Variants in IL17REL observed in about 807,000 individuals in gnomAD.
IL17REL encodes interleukin 17 receptor E like.
In IL17REL, 36 loss-of-function variants were observed where a neutral mutation model predicts 49.0. The ratio of observed to expected loss-of-function variants is 0.73; its 90% CI spans 0.56 to 0.97. IL17REL has a LOEUF of 0.97. Ranked by LOEUF, IL17REL falls within the 50% of genes least tolerant of loss-of-function variation. IL17REL has a pLI of 0.00. For missense variants in IL17REL, 470 were observed against 453.9 expected (o/e 1.04, Z -0.32); for synonymous variants, 206 against 192.4 (o/e 1.07, Z -0.58).
At chr22:50,001,196 C>A in exon 2 of IL17REL, 1 of 1,574,304 alleles carries the variant, frequency 6.4e-7, no homozygotes, top group South Asian at 1.1e-5. Context: ...GACATGGACA[C>A]GGGGCGTGGC....
exon 8 of IL17REL, chr22:49,998,263 C>A (rs377295789): frequency 4.0e-5 from 64 of 1,612,152 alleles, no homozygotes; most frequent in African/African-American, 1.3e-5. Context: ...TCTGGCTCTC[C>A]GGGTGGTAGT....
At chr22:50,006,629 G>A (rs75123797) in intron 1 of IL17REL, among the ~76,000 whole-genome samples, 1 of 152,206 alleles carries the variant, frequency 6.6e-6, no homozygotes, top group African/African-American at 2.4e-5. Context: ...AAACCACCAC[G>A]ACAGAATTAA....
At chr22:50,009,304 C>G (rs1569213067), upstream of IL17REL, among the ~76,000 whole-genome samples, 1 of 152,114 alleles carries the variant, frequency 6.6e-6, no homozygotes, top group Admixed American at 6.5e-5. Flanking sequence ...TCATCCCCAG[C>G]CCAACCTGAC....
chr22:49,999,428 G>A lies in IL17REL; in HGVS notation c.546+3C>T. 2 of 1,612,338 alleles carry A rather than the reference G, an allele frequency of 1.2e-6. No homozygotes were observed. The highest frequency in any genetic ancestry group is 1.3e-5 in the African/African-American group (1 of 74,988). ...CCCAAGTCCAGGCCACACCTCCACC[G>A]ACCTCCAGGCACAGGCACGGCAGCT... On this transcript the variant is annotated splice_donor_region_variant and intron_variant, in intron 6 of 12. Transcript: ENST00000341280.
At chr22:50,000,698 G>T in intron 3 of IL17REL, 56 bp downstream of exon 4, 2 of 1,530,280 alleles carry the variant, frequency 1.3e-6, no homozygotes, top group Non-Finnish European at 1.8e-6. Context: ...TGGCGCCCAG[G>T]AGGAGTGGCG....
upstream of IL17REL, among the ~76,000 whole-genome samples, chr22:50,010,382 G>GCGAGGGCAGC (rs1436597269): frequency 6.6e-6 from 1 of 152,264 alleles, no homozygotes; most frequent in Non-Finnish European, 1.5e-5. Flanking sequence ...AGGTGGGCAG[G>GCGAGGGCAGC]CGAGGGCAGC....
chr22:50,003,862 A>G (rs1378849263), intron 1 of IL17REL, among the ~76,000 whole-genome samples: 1 of 152,074 alleles, frequency 6.6e-6, no homozygotes, highest in African/African-American at 2.4e-5. Flanking sequence ...TGCAGGGGGG[A>G]CCCTACTCCA....
intron 3 of IL17REL, 70 bp downstream of exon 4, chr22:50,000,684 G>A: frequency 6.5e-7 from 1 of 1,546,224 alleles, no homozygotes; most frequent in East Asian, 2.3e-5. Context: ...CTTAGAGCCA[G>A]GGATGGCGCC....
chr22:49,999,979 G>C lies in IL17REL; in HGVS notation c.335-12C>G. 6.7e-7 allele frequency: 1 copy of C among 1,495,576 alleles called. No homozygotes were observed. Among genetic ancestry groups the C allele is most frequent in the Non-Finnish European group, 8.9e-7 (1 of 1,118,148 alleles). 92.6% of individuals were successfully genotyped at this position (1,495,576 alleles called of 1,614,324 possible). On this transcript the variant is annotated splice_polypyrimidine_tract_variant and intron_variant, in intron 4 of 12. Transcript: ENST00000341280. ...GCTGAGCTTCCCCGCTGCAGGAGGC[G>C]GCAAGTCGGGGCCGCGCTGGGACCA... is the stretch of plus-strand genomic sequence containing the variant.
intron 4 of IL17REL, 96 bp from the exon 7 acceptor site, chr22:50,000,063 G>C: frequency 7.6e-7 from 1 of 1,324,462 alleles, no homozygotes; most frequent in Non-Finnish European, 9.8e-7. Flanking sequence ...GGCTCCTGCT[G>C]GGTTCAGACG....
intron 4 of IL17REL, 91 bp downstream of exon 6, chr22:50,000,105 G>T: frequency 1.9e-6 from 2 of 1,032,820 alleles, no homozygotes; most frequent in Non-Finnish European, 2.6e-6. Flanking sequence ...GGCCCCTCAG[G>T]ATTTCCCAAA....
intron 4 of IL17REL, 78 bp downstream of exon 5, chr22:50,000,400 G>T: frequency 1.8e-6 from 2 of 1,092,996 alleles, no homozygotes; most frequent in Non-Finnish European, 2.8e-6. Context: ...CCAGGCCCCT[G>T]CCCTGGGCAA....
chr22:50,009,357 C>T (rs1393397218), upstream of IL17REL, among the ~76,000 whole-genome samples: 1 of 152,148 alleles, frequency 6.6e-6, no homozygotes, highest in Non-Finnish European at 1.5e-5. Context: ...TGGCCAGGCT[C>T]CCACGGGGCA....
upstream of IL17REL, among the ~76,000 whole-genome samples, chr22:50,009,258 G>A (rs879561908): frequency 3.3e-5 from 5 of 152,028 alleles, no homozygotes; most frequent in Non-Finnish European, 7.4e-5. Flanking sequence ...ACAGGTCCTG[G>A]ATGGTCCAGG....
Position 49,998,126 on chromosome 22 carries a change from C to A in IL17REL, c.774+11G>T. 1 of 1,599,664 alleles carries A rather than the reference C, an allele frequency of 6.3e-7. No homozygotes were observed. The highest frequency in any genetic ancestry group is 1.1e-5 in the South Asian group (1 of 89,624). On this transcript the variant is annotated intron_variant, in intron 8 of 12. Transcript: ENST00000341280. ...CATGCCCACCCCCATCCCTGCTGAG[C>A]AGGCACTCACTCTGCGATGCACCAG...
At chr22:50,000,147 G>A (rs1018795863) in intron 4 of IL17REL, among the ~76,000 whole-genome samples, 49 bp downstream of exon 6, 1 of 152,228 alleles carries the variant, frequency 6.6e-6, no homozygotes, top group African/African-American at 2.4e-5. Flanking sequence ...GAGGAAGCCT[G>A]TCGCAGCGTC....
exon 2 of IL17REL, chr22:50,001,181 A>G: frequency 6.3e-7 from 1 of 1,599,686 alleles, no homozygotes; most frequent in Non-Finnish European, 8.5e-7. Flanking sequence ...TCCAGGACTG[A>G]CCTGGACATG....
In IL17REL at chr22:50,004,149, G is replaced by T. The variant is rs528644548; in HGVS notation, c.-41-2918C>A. 1.4e-4 allele frequency among the ~76,000 whole-genome samples: 21 copies of T among 152,200 alleles called. No individual in the cohort carries two copies. The South Asian group carries it at 3.7e-3, about 27-fold the overall frequency. On this transcript the variant is annotated intron_variant, in intron 1 of 12. Transcript: ENST00000341280. ...GCTGAAGTGCAGTGGTGCGATCTCG[G>T]CTCACTGCAACCTCTGCTTCCCGGG...
rs577002017 is a variant in IL17REL at position 49,997,946 on chromosome 22, G to T, written c.819+79C>A. 28 of 1,546,620 alleles carry T rather than the reference G, an allele frequency of 1.8e-5. No individual in the cohort carries two copies. In the East Asian group the frequency reaches 3.9e-4, roughly 21 times the overall value. On this transcript the variant is annotated intron_variant, in intron 9 of 12. Transcript: ENST00000341280. Reference sequence around the variant, plus strand: ...GGCTAGGCTCCAGGGCTGGGCAAGGGCCCCTGCCCCACTCCCCGCCCTGAT... The same window carrying T: ...GGCTAGGCTCCAGGGCTGGGCAAGGTCCCCTGCCCCACTCCCCGCCCTGAT...
Sources: gnomAD v4.1 joint callset for allele counts (sites outside exome capture counted in the v4.1 genomes callset) on GRCh38, gnomAD v4.1.1 for gene constraint, MANE v1.5 for transcripts, NCBI Gene and HGNC (gene_info 2026-07-23, HGNC 2026-07-21) for gene names.